The following ARHGAP39 variants were observed in gnomAD, a reference collection of about 807,000 sequenced individuals.
ARHGAP39 encodes the protein Rho GTPase activating protein 39, also known as rho GTPase-activating protein 39.
In ARHGAP39, 44 loss-of-function variants were observed where a neutral mutation model predicts 106.9. The ratio of observed to expected loss-of-function variants is 0.41; its 90% confidence interval spans 0.32 to 0.53. The LOEUF is 0.53. Among genes scored for constraint, ARHGAP39 ranks in the 20% least tolerant of loss-of-function variants. The probability of loss-of-function intolerance (pLI) is 0.21; values close to 1 mark genes in which losing one functional copy is unlikely to be tolerated. For synonymous variants in ARHGAP39, 768 were observed against 693.2 expected (o/e 1.11, Z -1.69); for missense variants, 1,496 against 1,577.3 (o/e 0.95, Z 0.87).
intron 1 of ARHGAP39, among the ~76,000 whole-genome samples, 175 bp downstream of exon 1, chr8:144,685,511 C>T (rs1181093657): frequency 4.7e-5 from 7 of 149,066 alleles, no homozygotes; most frequent in Non-Finnish European, 1.0e-4. Context: ...CCCCCTCCCT[C>T]CACGGCCCAG....
intron 1 of ARHGAP39, among the ~76,000 whole-genome samples, chr8:144,618,699 C>T (rs536986540): frequency 1.8e-4 from 28 of 152,312 alleles, no homozygotes; most frequent in Admixed American, 8.5e-4. Flanking sequence ...CTGAAGAGGC[C>T]GGGCGCAGGA....
chr8:144,628,750 C>T (rs571275847), intron 1 of ARHGAP39, among the ~76,000 whole-genome samples: 42 of 152,316 alleles, frequency 2.8e-4, no homozygotes, highest in African/African-American at 9.6e-4. Context: ...TGCTGAATTC[C>T]TTGTGTCTGT....
chr8:144,683,002 G>T (rs1289973903), intron 1 of ARHGAP39, among the ~76,000 whole-genome samples: 9 of 152,104 alleles, frequency 5.9e-5, no homozygotes, highest in Admixed American at 5.2e-4. Context: ...GGCCAGCAGA[G>T]TGAGACCCTG....
intron 3 of ARHGAP39, among the ~76,000 whole-genome samples, chr8:144,557,708 C>A (rs1471365755): frequency 6.6e-6 from 1 of 151,924 alleles, no homozygotes; most frequent in South Asian, 2.1e-4. Flanking sequence ...AAAGGCTGAA[C>A]CTTCATAGTA....
intron 1 of ARHGAP39, among the ~76,000 whole-genome samples, chr8:144,616,544 G>GC (rs762799322): frequency 1.3e-5 from 2 of 152,146 alleles, no homozygotes; most frequent in South Asian, 2.1e-4. Flanking sequence ...TCCAAGCTGA[G>GC]CCCCCCAAGC....
intron 1 of ARHGAP39, among the ~76,000 whole-genome samples, chr8:144,652,572 T>C (rs1294877428): frequency 6.6e-6 from 1 of 152,182 alleles, no homozygotes; most frequent in Non-Finnish European, 1.5e-5. Context: ...TAGAATACTA[T>C]GCAGCCATAA....
chr8:144,687,758 C>A (rs1299108704), upstream of ARHGAP39, among the ~76,000 whole-genome samples: 1 of 131,312 alleles, frequency 7.6e-6, no homozygotes, highest in African/African-American at 3.1e-5. Flanking sequence ...GCACTTCCCA[C>A]CCCTGTGACC....
chr8:144,537,642 A>G (rs1423549339), intron 7 of ARHGAP39, 79 bp downstream of exon 7: 9 of 1,061,206 alleles, frequency 8.5e-6, no homozygotes, highest in East Asian at 2.7e-5. Flanking sequence ...GCGGTTAGAG[A>G]AGAGAAGGCC....
chr8:144,547,411 G>A lies in ARHGAP39; in HGVS notation c.1675C>T (p.Leu559=), dbSNP rs774069674. ...AAEPFLAQAR[L]AWEAQQAHFH... is the part of the protein sequence containing the mutation. ...TGGGCCTGCTGCGCCTCCCAGGCCA[G>A]CCGAGCCTGCGCCAGGAAGGGCTCG... is the stretch of plus-strand genomic sequence containing the variant. The change falls in exon 5 of 12, where the codon CTG becomes TTG. Residue 559 remains leucine (L), a synonymous_variant. Coordinates refer to ENST00000377307, the MANE Select transcript of ARHGAP39 (RefSeq NM_025251.3). This position sits in a 1 kb window ranked among gnomAD's most constrained non-coding sequence, Gnocchi z 5.2. 4 of 1,591,006 alleles carry A rather than the reference G, an allele frequency of 2.5e-6. No homozygotes were observed. Among genetic ancestry groups the A allele is most frequent in the Middle Eastern group, 3.4e-4 (2 of 5,960 alleles).
At chr8:144,623,246 A>T (rs1028193588) in intron 1 of ARHGAP39, among the ~76,000 whole-genome samples, 1 of 152,222 alleles carries the variant, frequency 6.6e-6, no homozygotes, top group Admixed American at 6.5e-5. Flanking sequence ...AAGAAACAAA[A>T]ATAATCCAAA....
At chr8:144,685,651 C>T (rs1822570124) in intron 1 of ARHGAP39, among the ~76,000 whole-genome samples, 35 bp downstream of exon 1, 1 of 148,390 alleles carries the variant, frequency 6.7e-6, no homozygotes, top group South Asian at 2.1e-4. Flanking sequence ...TCTTCTTGGC[C>T]CGCGCCGCCC....
intron 2 of ARHGAP39, among the ~76,000 whole-genome samples, chr8:144,592,752 G>A (rs1819454491): frequency 1.3e-5 from 2 of 152,188 alleles, no homozygotes; most frequent in Non-Finnish European, 2.9e-5. Flanking sequence ...GGGAGCTGCT[G>A]CTCAGAGAAA....
chr8:144,676,524 C>A (rs1822245446), intron 1 of ARHGAP39, among the ~76,000 whole-genome samples: 1 of 152,194 alleles, frequency 6.6e-6, no homozygotes, highest in Admixed American at 6.5e-5. Flanking sequence ...GGTGCGTTTA[C>A]AAACCTTTAG....
In ARHGAP39 at chr8:144,530,315, C is replaced by A; in HGVS notation, c.*107G>T. 1.6e-6 allele frequency: 2 copies of A among 1,264,658 alleles called. No individual in the cohort carries two copies. Among genetic ancestry groups the A allele is most frequent in the Non-Finnish European group, 2.2e-6 (2 of 920,194 alleles). The allele number at this position is 1,264,658 out of a possible 1,614,324, so 78.3% of individuals were successfully genotyped here. ...CAGGGGCCTGGGGGAGTGGAGGGGGCTCCAGGGCTGGGCCGGGCGATTCTG... is the reference window on the plus strand; with the variant it reads ...CAGGGGCCTGGGGGAGTGGAGGGGGATCCAGGGCTGGGCCGGGCGATTCTG... On this transcript the variant is annotated 3_prime_UTR_variant, in exon 12 of 12. Transcript: ENST00000377307.
chr8:144,576,121 AGAGATC>A (rs1355587958), intron 3 of ARHGAP39, among the ~76,000 whole-genome samples: 5 of 152,028 alleles, frequency 3.3e-5, no homozygotes, highest in Non-Finnish European at 7.4e-5. Context: ...CATGAGGTTA[AGAGATC>A]GAGACCAGCC....
intron 7 of ARHGAP39, among the ~76,000 whole-genome samples, chr8:144,536,680 T>C (rs1247399363): frequency 5.3e-5 from 8 of 152,174 alleles, no homozygotes; most frequent in Non-Finnish European, 1.0e-4. Context: ...CAGGGACCCC[T>C]GGCACAGACC....
chr8:144,683,645 C>G (rs1227590479), intron 1 of ARHGAP39, among the ~76,000 whole-genome samples: 2 of 152,078 alleles, frequency 1.3e-5, no homozygotes, highest in African/African-American at 4.8e-5. Context: ...CCGCACCTGG[C>G]CATTTTTCTC....
rs951306558 is a variant in ARHGAP39 at position 144,671,802 on chromosome 8, G to C, written c.-82+13884C>G. 1.3e-5 allele frequency among the ~76,000 whole-genome samples: 2 copies of C among 152,224 alleles called. No homozygotes were observed. Among genetic ancestry groups the C allele is most frequent in the Non-Finnish European group, 2.9e-5 (2 of 68,036 alleles). On this transcript the variant is annotated intron_variant, in intron 1 of 11. Transcript: ENST00000377307. The surrounding 1 kb of genome is among the most constrained non-coding windows in gnomAD (Gnocchi z 4.5). ...CAACTCACTCCCGTGTCCCCCACCA[G>C]AGGCCTGGTCTGTCTCCTCCCTGTC...
intron 6 of ARHGAP39, among the ~76,000 whole-genome samples, chr8:144,540,359 G>C (rs1038011153): frequency 6.6e-6 from 1 of 152,000 alleles, no homozygotes; most frequent in African/African-American, 2.4e-5. Flanking sequence ...TCACAGCACT[G>C]TGCACCACCC....
Sources: allele counts gnomAD v4.1 joint callset (sites outside exome capture counted in the v4.1 genomes callset), GRCh38; gene constraint gnomAD v4.1.1; non-coding constraint Gnocchi (gnomAD v3.1); transcripts MANE v1.5; gene names NCBI Gene and HGNC (gene_info 2026-07-23, HGNC 2026-07-21).